HHAT: variants seen among roughly 807,000 people sequenced by gnomAD.
HHAT encodes protein-cysteine N-palmitoyltransferase HHAT.
HHAT carries 47 observed loss-of-function variants against 70.8 expected under a neutral mutation model. The ratio of observed to expected loss-of-function variants is 0.66; its 90% CI spans 0.53 to 0.85. The LOEUF is 0.85. HHAT is among the 40% of genes least tolerant of loss of function. The pLI is 0.00. For synonymous variants in HHAT, 228 were observed against 247.6 expected (o/e 0.92, Z 0.74); for missense variants, 609 against 604.8 (o/e 1.01, Z -0.07).
chr1:210,526,367 G>GTTCTGTTTTTTTTTTTTTTTTTTTTTT (rs2095245205), intron 9 of HHAT, among the ~76,000 whole-genome samples: 1 of 142,336 alleles, frequency 7.0e-6, no homozygotes, highest in African/African-American at 2.6e-5. Context: ...AGTGGGTTCT[G>GTTCTGTTTTTTTTTTTTTTTTTTTTTT]TTTTTTTTTT....
chr1:210,659,361 C>G (rs1677150547), intron 11 of HHAT, among the ~76,000 whole-genome samples: 1 of 152,208 alleles, frequency 6.6e-6, no homozygotes, highest in South Asian at 2.1e-4. Flanking sequence ...GATACATACA[C>G]TCTCCCAAGA....
chr1:210,541,069 G>T (rs766469552), intron 9 of HHAT, among the ~76,000 whole-genome samples: 47 of 152,138 alleles, frequency 3.1e-4, no homozygotes, highest in Non-Finnish European at 5.9e-4. Flanking sequence ...TTGAACTCCT[G>T]AGCTCAGGCA....
intron 8 of HHAT, among the ~76,000 whole-genome samples, chr1:210,470,036 G>T (rs1451058311): frequency 6.6e-6 from 1 of 152,056 alleles, no homozygotes; most frequent in Admixed American, 6.6e-5. Flanking sequence ...TAGAGGAAGG[G>T]TCTCTACTGT....
intron 3 of HHAT, among the ~76,000 whole-genome samples, chr1:210,364,600 T>G (rs1366569936): frequency 1.3e-5 from 2 of 152,248 alleles, no homozygotes; most frequent in Admixed American, 1.3e-4. Context: ...GTTTTGGAGC[T>G]GCCACAGATT....
intron 11 of HHAT, among the ~76,000 whole-genome samples, chr1:210,656,591 A>T (rs1047233746): frequency 4.6e-5 from 7 of 152,192 alleles, no homozygotes; most frequent in Non-Finnish European, 8.8e-5. Context: ...ATAGCGTGAG[A>T]CAGCCCAGTG....
At chr1:210,387,412 G>A in intron 3 of HHAT, 56 bp from the exon 4 acceptor site, 1 of 1,412,942 alleles carries the variant, frequency 7.1e-7, no homozygotes, top group Non-Finnish European at 1.0e-6. Context: ...TGGAGTTTGT[G>A]TTCTGACTCA....
At chr1:210,532,280 A>G (rs2095322932) in intron 9 of HHAT, among the ~76,000 whole-genome samples, 1 of 152,208 alleles carries the variant, frequency 6.6e-6, no homozygotes, top group African/African-American at 2.4e-5. Context: ...ATCTGATTAC[A>G]CAGGCCAATT....
chr1:210,522,169 T>G (rs2095168535), intron 9 of HHAT, among the ~76,000 whole-genome samples: 1 of 152,226 alleles, frequency 6.6e-6, no homozygotes. Flanking sequence ...GAGGTGAGTC[T>G]AAAGTGTGTG....
chr1:210,428,017 G>A (rs766488246), intron 7 of HHAT, among the ~76,000 whole-genome samples: 12 of 151,878 alleles, frequency 7.9e-5, no homozygotes, highest in African/African-American at 1.2e-4. Context: ...AGATTTTCTT[G>A]CTGAGTTGAA....
At chr1:210,651,917 C>T (rs1675245866) in intron 11 of HHAT, among the ~76,000 whole-genome samples, 1 of 152,156 alleles carries the variant, frequency 6.6e-6, no homozygotes, top group Non-Finnish European at 1.5e-5. Context: ...AGGTGGGGGC[C>T]CACAGGAGCC....
At chr1:210,370,826 G>A (rs1053787708) in intron 3 of HHAT, among the ~76,000 whole-genome samples, 3 of 152,012 alleles carry the variant, frequency 2.0e-5, no homozygotes, top group Non-Finnish European at 4.4e-5. Flanking sequence ...GCATTAGTTA[G>A]GATGGTCTTG....
chr1:210,505,640 G>A (rs762890186), intron 8 of HHAT, among the ~76,000 whole-genome samples: 2 of 152,098 alleles, frequency 1.3e-5, no homozygotes, highest in Non-Finnish European at 2.9e-5. Context: ...TTTGCCCCCA[G>A]CTGTGCAAAT....
intron 2 of HHAT, among the ~76,000 whole-genome samples, chr1:210,361,480 T>A (rs947498961): frequency 6.6e-6 from 1 of 152,056 alleles, no homozygotes; most frequent in African/African-American, 2.4e-5. Flanking sequence ...CTGGGCCGGT[T>A]TGCAAGCCCC....
intron 11 of HHAT, among the ~76,000 whole-genome samples, chr1:210,636,397 G>A (rs927611225): frequency 2.0e-5 from 3 of 152,136 alleles, no homozygotes; most frequent in Admixed American, 2.0e-4. Flanking sequence ...AGCTTAATGT[G>A]TTTTTGAGGT....
intron 7 of HHAT, among the ~76,000 whole-genome samples, chr1:210,419,448 C>T (rs764047291): frequency 4.6e-5 from 7 of 152,156 alleles, no homozygotes. Flanking sequence ...AAAATCTCTT[C>T]ACTTCCTTGT....
At chr1:210,393,934 CTGGACTAAGTGTTCCAGATGGCCTTA>C (rs1168309850) in intron 4 of HHAT, among the ~76,000 whole-genome samples, 7 of 152,146 alleles carry the variant, frequency 4.6e-5, no homozygotes, top group Non-Finnish European at 7.3e-5. Context: ...CTTTCACCAC[CTGGACTAAGTGTTCCAGATGGCCTTA>C]ATTCGGGTAG....
At chr1:210,614,846 A>G (rs1439308829) in intron 10 of HHAT, among the ~76,000 whole-genome samples, 4 of 152,186 alleles carry the variant, frequency 2.6e-5, no homozygotes, top group African/African-American at 7.2e-5. Flanking sequence ...AGTCTTTGCT[A>G]TTGTGAGTAG....
At chr1:210,393,192 G>A (rs981873653) in intron 4 of HHAT, among the ~76,000 whole-genome samples, 4 of 152,168 alleles carry the variant, frequency 2.6e-5, no homozygotes, top group African/African-American at 9.7e-5. Flanking sequence ...GTTTTTCAGA[G>A]TTATGCTTGC....
In HHAT at chr1:210,550,822, A is replaced by G. The variant is rs532416582; in HGVS notation, c.1044-37076A>G. Among the ~76,000 whole-genome samples, 50 of 148,640 alleles carry G rather than the reference A, an allele frequency of 3.4e-4. 1 individual carries two copies. The highest frequency in any genetic ancestry group is 6.5e-4 in the Non-Finnish European group (44 of 67,818). Reference sequence around the variant, plus strand: ...GTAGCTGGGACTATAGGCATACGCTACCACCCCCAGATAATTTGTATTTTT... The same window carrying G: ...GTAGCTGGGACTATAGGCATACGCTGCCACCCCCAGATAATTTGTATTTTT... On this transcript the variant is annotated intron_variant, in intron 9 of 11. Coordinates refer to ENST00000261458, the MANE Select transcript of HHAT (RefSeq NM_018194.6).
Sources: gnomAD v4.1 joint callset for allele counts (sites outside exome capture counted in the v4.1 genomes callset) on GRCh38, gnomAD v4.1.1 for gene constraint, MANE v1.5 for transcripts, NCBI Gene and HGNC (gene_info 2026-07-23, HGNC 2026-07-21) for gene names.